Variants in POU2F3 observed in about 807,000 individuals in gnomAD.
POU2F3 encodes POU domain, class 2, transcription factor 3.
POU2F3 carries 23 observed loss-of-function variants against 59.2 expected under a neutral mutation model. The ratio of observed to expected loss-of-function variants is 0.39; its 90% CI spans 0.28 to 0.55. POU2F3 has a LOEUF of 0.55. Among genes scored for constraint, POU2F3 ranks in the 20% least tolerant of loss-of-function variants. The pLI, the probability that POU2F3 is intolerant of heterozygous loss-of-function variation, is 0.66. For synonymous variants in POU2F3, 190 were observed against 214.6 expected (o/e 0.89, Z 1.00); for missense variants, 473 against 544.5 (o/e 0.87, Z 1.31).
chr11:120,250,881 G>A (rs1446965524), intron 2 of POU2F3, among the ~76,000 whole-genome samples: 2 of 152,078 alleles, frequency 1.3e-5, no homozygotes, highest in African/African-American at 4.8e-5. Flanking sequence ...GGGGGCTGAG[G>A]CAGGAGAATT....
upstream of POU2F3, chr11:120,236,782 A>T: frequency 7.4e-7 from 1 of 1,359,558 alleles, no homozygotes; most frequent in South Asian, 1.2e-5. Context: ...AGAGAGAAGG[A>T]ATAAAGATTG....
chr11:120,266,904 G>A (rs899489264), intron 2 of POU2F3, among the ~76,000 whole-genome samples: 12 of 152,200 alleles, frequency 7.9e-5, no homozygotes, highest in African/African-American at 2.7e-4. Context: ...CCCAGTGCCT[G>A]GAACAGCACC....
At chr11:120,296,504 A>G (rs575243131) in intron 3 of POU2F3, among the ~76,000 whole-genome samples, 1 of 152,256 alleles carries the variant, frequency 6.6e-6, no homozygotes, top group Admixed American at 6.5e-5. Flanking sequence ...CATCACCCAC[A>G]TATTAAACTG....
In POU2F3 at chr11:120,246,429, C is replaced by G. The variant is rs1481380314; in HGVS notation, c.29-20C>G. 1 of 1,613,140 alleles carries G rather than the reference C, an allele frequency of 6.2e-7. No homozygotes were observed. Among genetic ancestry groups the G allele is most frequent in the African/African-American group, 1.3e-5 (1 of 74,820 alleles). On this transcript the variant is annotated intron_variant, in intron 1 of 12. Coordinates refer to ENST00000543440, the MANE Select transcript of POU2F3 (RefSeq NM_014352.4). ...AAAAATTGTGACCTGTTATTAAAAT[C>G]AGTTGTGTTTTCCCTGCAGATATCA...
At chr11:120,299,455 G>C (rs926820692) in intron 4 of POU2F3, among the ~76,000 whole-genome samples, 169 bp from the exon 5 acceptor site, 2 of 152,174 alleles carry the variant, frequency 1.3e-5, no homozygotes, top group African/African-American at 2.4e-5. Flanking sequence ...CAGTGTTAAC[G>C]GAGTAGCTAC....
At chr11:120,281,834 C>T (rs984633806) in intron 3 of POU2F3, among the ~76,000 whole-genome samples, 2 of 152,076 alleles carry the variant, frequency 1.3e-5, no homozygotes, top group Non-Finnish European at 2.9e-5. Context: ...TTATGCTCTC[C>T]AAGTGTCAGT....
chr11:120,278,991 C>G (rs566073337), intron 3 of POU2F3, among the ~76,000 whole-genome samples: 2 of 152,278 alleles, frequency 1.3e-5, no homozygotes, highest in South Asian at 4.1e-4. Context: ...TATAGCATTT[C>G]TTGAACTCTG....
chr11:120,236,812 C>A, upstream of POU2F3: 1 of 1,177,704 alleles, frequency 8.5e-7, no homozygotes, highest in Non-Finnish European at 1.2e-6. Context: ...CCCCCTCAAC[C>A]CTATACACAG....
At chr11:120,281,368 A>C (rs1940563495) in intron 3 of POU2F3, among the ~76,000 whole-genome samples, 1 of 151,916 alleles carries the variant, frequency 6.6e-6, no homozygotes, top group Admixed American at 6.6e-5. Context: ...ACTGGCCTGC[A>C]ACTCAGTAGC....
intron 1 of POU2F3, among the ~76,000 whole-genome samples, chr11:120,240,722 G>A (rs1938625398): frequency 6.6e-6 from 1 of 152,172 alleles, no homozygotes; most frequent in Non-Finnish European, 1.5e-5. Flanking sequence ...AGCCAGGGGT[G>A]TGGACCTGGG....
intron 3 of POU2F3, among the ~76,000 whole-genome samples, chr11:120,274,132 G>A (rs551661759): frequency 7.4e-6 from 1 of 135,586 alleles, no homozygotes; most frequent in Non-Finnish European, 1.6e-5. Flanking sequence ...AGGAAGGAAG[G>A]AAGGAAGGAA....
At chr11:120,255,572 G>A (rs1477844909) in intron 2 of POU2F3, among the ~76,000 whole-genome samples, 1 of 152,038 alleles carries the variant, frequency 6.6e-6, no homozygotes, top group African/African-American at 2.4e-5. Flanking sequence ...GGGAAGCGTG[G>A]ACAAAAGGGG....
At chr11:120,308,976 A>AAAAAAAAAAAAAAAG in intron 9 of POU2F3, among the ~76,000 whole-genome samples, 1 of 142,676 alleles carries the variant, frequency 7.0e-6, no homozygotes, top group Non-Finnish European at 1.5e-5. Flanking sequence ...AAAAAAAAAA[A>AAAAAAAAAAAAAAAG]GAAATGACAA....
chr11:120,312,962 G>T (rs1376645373), intron 10 of POU2F3, among the ~76,000 whole-genome samples: 1 of 152,130 alleles, frequency 6.6e-6, no homozygotes, highest in Non-Finnish European at 1.5e-5. Flanking sequence ...ATGTACAAAG[G>T]TTCCAAGGTT....
chr11:120,312,268 C>A (rs958620759), intron 10 of POU2F3, among the ~76,000 whole-genome samples: 1 of 152,112 alleles, frequency 6.6e-6, no homozygotes, highest in African/African-American at 2.4e-5. Context: ...GGATTACAGG[C>A]ACCCACCATC....
chr11:120,306,396 C>T (rs1941488741), intron 8 of POU2F3, among the ~76,000 whole-genome samples: 2 of 152,140 alleles, frequency 1.3e-5, no homozygotes, highest in South Asian at 4.1e-4. Context: ...GCAGCAGGGA[C>T]TAGCATACAG....
In POU2F3 at chr11:120,319,103, C is replaced by G. The variant is rs1239455010; in HGVS notation, c.*711C>G. Reference sequence around the variant, plus strand: ...TGCCCTTCTGTCTGTCCACGTCTGCCTAGGGCTCAGGAGTGCTTGTTCTTT... The same window carrying G: ...TGCCCTTCTGTCTGTCCACGTCTGCGTAGGGCTCAGGAGTGCTTGTTCTTT... On this transcript the variant is annotated 3_prime_UTR_variant, in exon 13 of 13. Coordinates refer to ENST00000543440, the MANE Select transcript of POU2F3 (RefSeq NM_014352.4). 6.5e-6 allele frequency: 1 copy of G among 152,672 alleles called. No homozygotes were observed. Among genetic ancestry groups the G allele is most frequent in the Non-Finnish European group, 1.5e-5 (1 of 68,140 alleles). The allele number at this position is 152,672 out of a possible 1,614,324, so 9.5% of individuals were successfully genotyped here.
At chr11:120,237,802 G>T (rs2135107394), upstream of POU2F3, among the ~76,000 whole-genome samples, 2 of 152,254 alleles carry the variant, frequency 1.3e-5, no homozygotes. Context: ...TGAAGTTGGG[G>T]AGGAGAAGAA....
chr11:120,247,742 G>A (rs1410103553), intron 2 of POU2F3, among the ~76,000 whole-genome samples: 2 of 152,208 alleles, frequency 1.3e-5, no homozygotes, highest in East Asian at 3.9e-4. Flanking sequence ...TTCAGCTAGA[G>A]AGTGATAGAT....
Sources: gnomAD v4.1 joint callset for allele counts (sites outside exome capture counted in the v4.1 genomes callset) on GRCh38, gnomAD v4.1.1 for gene constraint, MANE v1.5 for transcripts, NCBI Gene and HGNC (gene_info 2026-07-23, HGNC 2026-07-21) for gene names.